The following PTGR2 variants were observed in gnomAD, a reference collection of about 807,000 sequenced individuals.
PTGR2 encodes the protein prostaglandin reductase 2.
A neutral mutation model predicts 43.4 loss-of-function variants in PTGR2; 32 were observed. That is an observed-to-expected ratio of 0.74 (90% CI 0.56 to 0.99). The LOEUF (loss-of-function observed/expected upper bound fraction) is 0.99. Ranked by LOEUF, PTGR2 falls within the 50% of genes least tolerant of loss-of-function variation. The pLI, the probability that PTGR2 is intolerant of heterozygous loss-of-function variation, is 0.00. For missense variants in PTGR2, 373 were observed against 420.0 expected, an observed-to-expected ratio of 0.89 and a Z score of 0.98; for synonymous variants, 106 against 139.2, an observed-to-expected ratio of 0.76 and a Z score of 1.68.
intron 1 of PTGR2, among the ~76,000 whole-genome samples, chr14:73,854,094 T>C (rs1259919711): frequency 6.6e-6 from 1 of 152,038 alleles, no homozygotes; most frequent in Non-Finnish European, 1.5e-5. Flanking sequence ...ATATTTTATT[T>C]ATTTTTATTA....
intron 3 of PTGR2, among the ~76,000 whole-genome samples, chr14:73,873,555 C>T (rs558333055): frequency 1.7e-3 from 251 of 151,660 alleles, no homozygotes; most frequent in African/African-American, 5.5e-3. Flanking sequence ...ACCTCCACCT[C>T]CCGAGTTCAA....
chr14:73,883,986 A>C, intron 9 of PTGR2, 115 bp from the exon 10 acceptor site: 2 of 678,588 alleles, frequency 2.9e-6, no homozygotes, highest in South Asian at 3.5e-5. Context: ...TTCTATGCTT[A>C]ATATTCAAAA....
At position 73,858,884 on chromosome 14, in the gene PTGR2, T is replaced by C. The variant is rs2054424086; in HGVS notation, c.22T>C (p.Leu8=). 6.2e-7 allele frequency: 1 copy of C among 1,611,496 alleles called. No homozygotes were observed. Among genetic ancestry groups the C allele is most frequent in the Admixed American group, 1.7e-5 (1 of 59,968 alleles). The change falls in exon 2 of 10, where the codon TTG becomes CTG. Residue 8 remains leucine, a synonymous_variant. Coordinates refer to ENST00000555661, the MANE Select transcript of PTGR2 (RefSeq NM_001146154.2). The part of the protein sequence containing the change: MIVQRVV[L]NSRPGKNGNP... ...AGCAATGATTGTTCAAAGAGTGGTA[T>C]TGAATTCTCGACCTGGTATGTATTT...
chr14:73,857,727 G>A (rs1194723476), intron 1 of PTGR2, among the ~76,000 whole-genome samples: 2 of 137,056 alleles, frequency 1.5e-5, no homozygotes, highest in Admixed American at 7.8e-5. Flanking sequence ...GGAGTGCAGT[G>A]GTGCGATCTC....
At chr14:73,869,670 G>A (rs973387861) in intron 3 of PTGR2, among the ~76,000 whole-genome samples, 3 of 152,158 alleles carry the variant, frequency 2.0e-5, no homozygotes, top group Non-Finnish European at 4.4e-5. Flanking sequence ...TTGCATAAAG[G>A]AAGGAAGAAA....
chr14:73,881,072 A>G (rs1294030559), intron 7 of PTGR2, 133 bp from the exon 8 acceptor site: 4 of 558,778 alleles, frequency 7.2e-6, no homozygotes, highest in African/African-American at 3.7e-5. Context: ...GCATAAAACT[A>G]TCTGATCAGA....
intron 2 of PTGR2, 142 bp from the exon 3 acceptor site, chr14:73,860,397 G>T (rs62005578): frequency 0.52 from 239,459 of 462,114 alleles, 63,417 homozygotes; most frequent in South Asian, 0.61. Flanking sequence ...AACCCAGGAG[G>T]CAGAGGTTGC....
At position 73,884,145 on chromosome 14, in the gene PTGR2, A is replaced by G; in HGVS notation, c.1024A>G (p.Ile342Val). 6.2e-7 allele frequency: 1 copy of G among 1,607,868 alleles called. No homozygotes were observed. The highest frequency in any genetic ancestry group is 8.5e-7 in the Non-Finnish European group (1 of 1,176,886). ...MMTGGNIGKQIVCISEEISL is the reference protein window; with the variant it reads ...MMTGGNIGKQVVCISEEISL ...GACAGGAGGTAACATTGGAAAGCAG[A>G]TAGTTTGCATTTCAGAAGAAATCTC... is the stretch of plus-strand genomic sequence containing the variant. Residue 342 changes from isoleucine to valine, a missense_variant, in exon 10 of 10, where the codon ATA becomes GTA. By Grantham distance (29) the Ile-to-Val change is conservative. Transcript: ENST00000555661.
chr14:73,857,413 G>C (rs561603971), intron 1 of PTGR2, among the ~76,000 whole-genome samples: 1 of 151,878 alleles, frequency 6.6e-6, no homozygotes, highest in East Asian at 2.0e-4. Context: ...AGGAGTTCAA[G>C]ACCCGCCTGG....
At chr14:73,876,230 G>A (rs749974388) in intron 4 of PTGR2, among the ~76,000 whole-genome samples, 8 of 152,134 alleles carry the variant, frequency 5.3e-5, no homozygotes, top group African/African-American at 1.9e-4. Context: ...AACCATATTG[G>A]GTTATTTATT....
rs151269425 is a variant in PTGR2 at position 73,882,420 on chromosome 14, G to A, written c.961G>A (p.Gly321Arg). 5.1e-6 allele frequency: 8 copies of A among 1,576,256 alleles called. No homozygotes were observed. Among genetic ancestry groups the A allele is most frequent in the Non-Finnish European group, 6.1e-6 (7 of 1,146,342 alleles). ...ACAGATTAAAGAGACGGTAATAAAT[G>A]GGTTGGAAAACATGGGAGGTAAGAT... The part of the protein sequence containing the change: ...KLKIKETVIN[G>R]LENMGAAFQS... Residue 321 changes from glycine (G) to arginine (R), a missense_variant, in exon 9 of 10, where the codon GGG becomes AGG. By Grantham distance (125) the Gly-to-Arg change is moderately radical. Transcript: ENST00000555661.
At chr14:73,853,131 C>A (rs1264957336) in intron 1 of PTGR2, among the ~76,000 whole-genome samples, 1 of 151,816 alleles carries the variant, frequency 6.6e-6, no homozygotes, top group African/African-American at 2.4e-5. Context: ...CAGAAAGATA[C>A]GTTTTATAAC....
chr14:73,876,938 A>T, intron 4 of PTGR2, 60 bp from the exon 5 acceptor site: 1 of 1,302,912 alleles, frequency 7.7e-7, no homozygotes, highest in Non-Finnish European at 1.1e-6. Context: ...CGTTGTCTCT[A>T]CTTTGTTGTC....
intron 1 of PTGR2, among the ~76,000 whole-genome samples, chr14:73,857,857 G>A (rs2054396755): frequency 6.6e-6 from 1 of 151,378 alleles, no homozygotes; most frequent in Non-Finnish European, 1.5e-5. Flanking sequence ...TTTTAGTAGA[G>A]ACGGGGTTTC....
intron 3 of PTGR2, among the ~76,000 whole-genome samples, chr14:73,869,341 C>G (rs1645405247): frequency 6.6e-6 from 1 of 151,822 alleles, no homozygotes; most frequent in African/African-American, 2.4e-5. Flanking sequence ...TGAAACCATC[C>G]TGGGCAACAC....
chr14:73,873,988 T>C (rs1158109812), intron 3 of PTGR2, 35 bp from the exon 4 acceptor site: 3 of 1,507,304 alleles, frequency 2.0e-6, no homozygotes, highest in East Asian at 2.3e-5. Context: ...TTTGACATTA[T>C]TGGATAAAAT....
chr14:73,854,702 C>T (rs1347866240), intron 1 of PTGR2, among the ~76,000 whole-genome samples: 1 of 152,190 alleles, frequency 6.6e-6, no homozygotes, highest in Admixed American at 6.5e-5. Context: ...TACTTAAGGA[C>T]TTTTAGACCC....
chr14:73,876,483 C>CTTTTTTTTTTTTT (rs766810794), intron 4 of PTGR2, among the ~76,000 whole-genome samples: 3,922 of 107,856 alleles, frequency 0.036, 422 homozygotes, highest in East Asian at 0.26. Context: ...GACATAAGTC[C>CTTTTTTTTTTTTT]TTTTTTTTTT....
chr14:73,880,579 CAAAAAAACAAAAAA>C (rs774461382), intron 7 of PTGR2, among the ~76,000 whole-genome samples: 15 of 89,458 alleles, frequency 1.7e-4, no homozygotes, highest in Non-Finnish European at 2.3e-4. Flanking sequence ...AACTCCATCT[CAAAAAAACAAAAAA>C]AAAAAAACAA....
Sources: allele counts gnomAD v4.1 joint callset (sites outside exome capture counted in the v4.1 genomes callset), GRCh38; gene constraint gnomAD v4.1.1; transcripts MANE v1.5; gene names NCBI Gene and HGNC (gene_info 2026-07-23, HGNC 2026-07-21).